Variants in NUDCD1 observed in about 807,000 individuals in gnomAD.
NUDCD1 encodes nudC domain-containing protein 1.
Under a neutral mutation model 67.8 loss-of-function variants are expected in NUDCD1, and 60 were observed. That is an observed-to-expected ratio of 0.88 (90% CI 0.72 to 1.10). The LOEUF is 1.10. Ranked by LOEUF, NUDCD1 falls within the 50% of genes least tolerant of loss-of-function variation. NUDCD1 has a pLI of 0.00. For synonymous variants in NUDCD1, 244 were observed against 230.8 expected (o/e 1.06, Z -0.52); for missense variants, 643 against 695.0 (o/e 0.93, Z 0.84).
intron 8 of NUDCD1, among the ~76,000 whole-genome samples, chr8:109,264,070 C>G (rs886780662): frequency 1.3e-5 from 2 of 152,140 alleles, no homozygotes; most frequent in Non-Finnish European, 2.9e-5. Context: ...ATAGGAAGTA[C>G]ACATAAAGCA....
At chr8:109,318,912 G>A (rs1422196160) in intron 2 of NUDCD1, among the ~76,000 whole-genome samples, 1 of 151,442 alleles carries the variant, frequency 6.6e-6, no homozygotes, top group Non-Finnish European at 1.5e-5. Context: ...GCCTCGTCCA[G>A]TGGGTGGCAA....
chr8:109,323,915 A>G (rs1815600951), intron 1 of NUDCD1, among the ~76,000 whole-genome samples: 1 of 152,150 alleles, frequency 6.6e-6, no homozygotes, highest in African/African-American at 2.4e-5. Flanking sequence ...CTCTCATCAT[A>G]TGCAAAAATC....
At chr8:109,297,515 T>C (rs1814872833) in intron 2 of NUDCD1, among the ~76,000 whole-genome samples, 1 of 129,990 alleles carries the variant, frequency 7.7e-6, no homozygotes, top group Admixed American at 8.4e-5. Flanking sequence ...AAAGAGGGAG[T>C]TTGTCTCTTT....
rs749736786 is a variant in NUDCD1, at chr8:109,333,843, CA to C, written c.118+49del. The C allele has an allele frequency of 1.9e-6, 3 of 1,601,694 alleles. No homozygotes were observed. The Admixed American group carries it at 5.1e-5, about 27-fold the overall frequency. On this transcript the variant is annotated intron_variant, in intron 1 of 9. Transcript: ENST00000239690. ...ATTGCGGGAAGGGTCAGGCCGGAGG[CA>C]GCCGAAAGGGGAAAGGAACGGAGTA...
At chr8:109,283,752 C>A (rs1002017756) in intron 5 of NUDCD1, among the ~76,000 whole-genome samples, 3 of 152,084 alleles carry the variant, frequency 2.0e-5, no homozygotes, top group Admixed American at 6.6e-5. Context: ...TACCACTATA[C>A]CAGCCTTAAC....
chr8:109,259,194 T>C (rs1395156154), intron 8 of NUDCD1, among the ~76,000 whole-genome samples: 2 of 152,216 alleles, frequency 1.3e-5, no homozygotes, highest in Non-Finnish European at 2.9e-5. Context: ...AAGGCAGATT[T>C]GTTTAAAGTC....
chr8:109,324,858 G>T (rs138109783), intron 1 of NUDCD1, among the ~76,000 whole-genome samples: 3,157 of 152,248 alleles, frequency 0.021, 111 homozygotes, highest in African/African-American at 0.072. Flanking sequence ...AGGCCAAGGC[G>T]GGCGGATCAC....
At chr8:109,276,588 CA>C (rs1344143166) in intron 6 of NUDCD1, among the ~76,000 whole-genome samples, 1 of 152,176 alleles carries the variant, frequency 6.6e-6, no homozygotes, top group Non-Finnish European at 1.5e-5. Flanking sequence ...AGAGACTATA[CA>C]AAATAATAAT....
chr8:109,315,581 T>C (rs902533449), intron 2 of NUDCD1: 2 of 152,066 alleles, frequency 1.3e-5, no homozygotes, highest in Non-Finnish European at 2.9e-5. Flanking sequence ...CTAAAGATCA[T>C]TTGCTATCCC....
intron 8 of NUDCD1, among the ~76,000 whole-genome samples, chr8:109,266,428 T>C (rs1813998956): frequency 7.4e-6 from 1 of 135,732 alleles, no homozygotes; most frequent in South Asian, 2.4e-4. Context: ...GTATTTTCAG[T>C]AGAGATGGGG....
Position 109,275,372 on chromosome 8 carries a change from G to A in NUDCD1, c.1153C>T (p.His385Tyr). The change falls in exon 7 of 10, where the codon CAT (histidine) becomes TAT (tyrosine). Residue 385 changes from histidine (H) to tyrosine (Y), a missense_variant. Coordinates refer to ENST00000239690, the MANE Select transcript of NUDCD1 (RefSeq NM_032869.4). Reference sequence around the variant, plus strand: ...CTTACCAGTTCTTCAGAGGTCAAATGCATCAAACGTTCAGCTATTGCAGCA... The same window carrying A: ...CTTACCAGTTCTTCAGAGGTCAAATACATCAAACGTTCAGCTATTGCAGCA... Reference protein sequence around the residue: ...QCAAIAERLMHLTSEELNPNP... With the variant: ...QCAAIAERLMYLTSEELNPNP... 6.2e-7 allele frequency: 1 copy of A among 1,613,316 alleles called. No individual in the cohort carries two copies. Among genetic ancestry groups the A allele is most frequent in the Non-Finnish European group, 8.5e-7 (1 of 1,179,548 alleles).
At chr8:109,244,606 G>A (rs1813451925) in intron 9 of NUDCD1, among the ~76,000 whole-genome samples, 1 of 152,040 alleles carries the variant, frequency 6.6e-6, no homozygotes, top group African/African-American at 2.4e-5. Context: ...TGCACATATA[G>A]CCATCAAAAT....
At chr8:109,251,845 T>G (rs1813629967) in intron 8 of NUDCD1, among the ~76,000 whole-genome samples, 1 of 152,130 alleles carries the variant, frequency 6.6e-6, no homozygotes, top group Non-Finnish European at 1.5e-5. Context: ...ATGTGAAAGC[T>G]TAAAGTACTA....
At position 109,292,627 on chromosome 8, in the gene NUDCD1, T is replaced by G. The variant is rs956027627; in HGVS notation, c.640+717A>C. Among the ~76,000 whole-genome samples the G allele has an allele frequency of 6.1e-4, 93 of 152,204 alleles. 1 individual carries two copies. The highest frequency in any genetic ancestry group is 1.9e-3 in the African/African-American group (80 of 41,564). ...ACTGAGAAAAAGAGCATAGAGTCAT[T>G]ATGGAAACAAGCACTCTCAGTACTC... On this transcript the variant is annotated intron_variant, in intron 4 of 9. Transcript: ENST00000239690.
intron 6 of NUDCD1, among the ~76,000 whole-genome samples, chr8:109,276,205 G>A (rs143381493): frequency 3.8e-3 from 578 of 152,298 alleles, no homozygotes; most frequent in Middle Eastern, 6.8e-3. Context: ...ATCAAGGACT[G>A]ATGCAGCAGG....
At chr8:109,258,764 A>G (rs894318763) in intron 8 of NUDCD1, among the ~76,000 whole-genome samples, 12 of 152,188 alleles carry the variant, frequency 7.9e-5, no homozygotes, top group African/African-American at 2.9e-4. Context: ...ACTGCACTGA[A>G]GGCTTGACAC....
intron 1 of NUDCD1, among the ~76,000 whole-genome samples, chr8:109,330,165 G>A (rs1815774269): frequency 6.6e-6 from 1 of 152,188 alleles, no homozygotes; most frequent in Admixed American, 6.5e-5. Context: ...CGGATCAAAA[G>A]ACAATTACAA....
chr8:109,291,088 T>C (rs1300645678), intron 4 of NUDCD1, among the ~76,000 whole-genome samples: 1 of 152,168 alleles, frequency 6.6e-6, no homozygotes, highest in East Asian at 1.9e-4. Flanking sequence ...CAGAAAAGAA[T>C]AGGAAGCCTC....
Position 109,275,434 on chromosome 8 carries a change from T to G in NUDCD1, c.1091A>C (p.Asp364Ala). The G allele has an allele frequency of 6.2e-7, 1 of 1,613,776 alleles. No homozygotes were observed. ...ATCTCTTATAAGTTCCCCTTGTTTA[T>G]CTCCAATTACTAGCTCTGGCCAGGT... ...GLTWPELVIG[D>A]KQGELIRDSA... The change falls in exon 7 of 10, where the codon GAT becomes GCT. Residue 364 changes from aspartate (D) to alanine (A), a missense_variant. Physicochemically the swap from Asp to Ala is moderately radical, Grantham distance 126 (BLOSUM62 -2). Transcript: ENST00000239690.
Sources: gnomAD v4.1 joint callset for allele counts (sites outside exome capture counted in the v4.1 genomes callset) on GRCh38, gnomAD v4.1.1 for gene constraint, MANE v1.5 for transcripts, NCBI Gene and HGNC (gene_info 2026-07-23, HGNC 2026-07-21) for gene names.